AGBL1: variants seen among roughly 807,000 people sequenced by gnomAD.
AGBL1 encodes the protein cytosolic carboxypeptidase 4.
In AGBL1, 130 loss-of-function variants were observed where a neutral mutation model predicts 118.9. The observed-to-expected ratio is 1.09, with a 90% CI of 0.95 to 1.26. The LOEUF is 1.26. Among genes scored for constraint, AGBL1 ranks in the 50% most tolerant of loss-of-function variants. AGBL1 has a pLI of 0.00. For synonymous variants in AGBL1, 555 were observed against 478.9 expected (o/e 1.16, Z -2.08); for missense variants, 1,584 against 1,298.1 (o/e 1.22, Z -3.38).
At chr15:86,221,509 G>A (rs1177058538) in intron 5 of AGBL1, among the ~76,000 whole-genome samples, 1 of 152,194 alleles carries the variant, frequency 6.6e-6, no homozygotes, top group Non-Finnish European at 1.5e-5. Flanking sequence ...GCTTCGCTGT[G>A]GGAGCAGACA....
intron 24 of AGBL1, among the ~76,000 whole-genome samples, chr15:87,012,153 T>G (rs2081566412): frequency 1.3e-5 from 2 of 151,572 alleles, no homozygotes; most frequent in African/African-American, 4.8e-5. Context: ...CCCTTCATGT[T>G]AGTTTCTTCT....
intron 21 of AGBL1, among the ~76,000 whole-genome samples, chr15:86,654,067 G>T (rs562069547): frequency 6.6e-6 from 1 of 152,270 alleles, no homozygotes; most frequent in South Asian, 2.1e-4. Flanking sequence ...GTCTTTGGTA[G>T]AATGACTGCA....
At position 86,187,026 on chromosome 15, in the gene AGBL1, C is replaced by T. The variant is rs186896369; in HGVS notation, c.488+28000C>T. ...GACATTAGTCTATTATTTATACTAA[C>T]GTTATAGCAAACAAAGTTAAAGCAT... On this transcript the variant is annotated intron_variant, in intron 5 of 22. Transcript: ENST00000614907. Among the ~76,000 whole-genome samples, 7 of 152,276 alleles carry T rather than the reference C, an allele frequency of 4.6e-5. No individual in the cohort carries two copies. In the East Asian group the frequency reaches 9.7e-4, roughly 21 times the overall value.
intron 1 of AGBL1, among the ~76,000 whole-genome samples, chr15:86,128,705 A>G (rs1218018161): frequency 6.6e-6 from 1 of 152,096 alleles, no homozygotes; most frequent in Non-Finnish European, 1.5e-5. Flanking sequence ...CCCTTTCTTT[A>G]TCTCTTTTTC....
Position 86,271,613 on chromosome 15 carries a change from G to T in AGBL1, c.1988-6G>T. 3 of 1,602,358 alleles carry T rather than the reference G, an allele frequency of 1.9e-6. No individual in the cohort carries two copies. Among genetic ancestry groups the T allele is most frequent in the Non-Finnish European group, 2.6e-6 (3 of 1,169,468 alleles). On this transcript the variant is annotated splice_polypyrimidine_tract_variant and splice_region_variant and intron_variant, in intron 14 of 22. Transcript: ENST00000614907. ...CATGGATTAATTCCTTTCTGATTTT[G>T]TGTAGGGATGCAGCCCACCCTATAT... is the stretch of plus-strand genomic sequence containing the variant.
chr15:86,387,499 A>G (rs1268737915), intron 17 of AGBL1, among the ~76,000 whole-genome samples: 1 of 152,286 alleles, frequency 6.6e-6, no homozygotes, highest in East Asian at 1.9e-4. Flanking sequence ...AAGAGGTTGT[A>G]GTAACGCAGT....
chr15:86,696,188 C>T (rs1209621799), intron 22 of AGBL1, among the ~76,000 whole-genome samples: 1 of 151,902 alleles, frequency 6.6e-6, no homozygotes, highest in African/African-American at 2.4e-5. Flanking sequence ...TATTGAACTT[C>T]CCCACTATTA....
intron 7 of AGBL1, among the ~76,000 whole-genome samples, chr15:86,251,821 G>GAA (rs11392440): frequency 1.9e-4 from 28 of 146,338 alleles, no homozygotes; most frequent in South Asian, 1.7e-3. Context: ...ATGCAAGATT[G>GAA]AAAAAAAAAA....
intron 3 of AGBL1, among the ~76,000 whole-genome samples, chr15:86,144,635 G>A (rs1275973822): frequency 6.6e-6 from 1 of 152,066 alleles, no homozygotes; most frequent in Non-Finnish European, 1.5e-5. Context: ...ACACACAGAG[G>A]GGAACAACAC....
At chr15:86,141,872 T>G in intron 1 of AGBL1, 132 bp from the exon 2 acceptor site, 1 of 888,814 alleles carries the variant, frequency 1.1e-6, no homozygotes, top group Non-Finnish European at 1.7e-6. Flanking sequence ...TGAATCCCCT[T>G]GCCTGTCCTT....
chr15:86,335,802 T>A (rs2080358757), intron 17 of AGBL1, among the ~76,000 whole-genome samples: 1 of 152,154 alleles, frequency 6.6e-6, no homozygotes, highest in Non-Finnish European at 1.5e-5. Context: ...TTCAAGAGTG[T>A]TAAATAGGGG....
intron 17 of AGBL1, among the ~76,000 whole-genome samples, chr15:86,370,950 T>C (rs1439366563): frequency 6.6e-6 from 1 of 152,086 alleles, no homozygotes; most frequent in African/African-American, 2.4e-5. Flanking sequence ...GGCTCTTGGG[T>C]CTATGGGTCT....
intron 20 of AGBL1, among the ~76,000 whole-genome samples, chr15:86,552,791 CAGTT>C (rs1219531681): frequency 6.6e-6 from 1 of 152,086 alleles, no homozygotes; most frequent in East Asian, 1.9e-4. Context: ...AAGATGAAAT[CAGTT>C]AGGAGGCAAT....
chr15:86,603,903 C>T (rs1429580225), intron 21 of AGBL1, among the ~76,000 whole-genome samples: 1 of 152,008 alleles, frequency 6.6e-6, no homozygotes, highest in African/African-American at 2.4e-5. Context: ...ACTTTCTTTT[C>T]CAAGACGAAG....
intron 18 of AGBL1, among the ~76,000 whole-genome samples, chr15:86,477,892 G>C (rs942282635): frequency 2.6e-5 from 4 of 152,152 alleles, no homozygotes; most frequent in Admixed American, 6.5e-5. Context: ...CCATGATCAA[G>C]TGGGCTTCAT....
chr15:86,250,574 G>A lies in AGBL1; in HGVS notation c.735+2695G>A, dbSNP rs927114315. Among the ~76,000 whole-genome samples, 528 of 105,496 alleles carry A rather than the reference G, an allele frequency of 5.0e-3. 17 individuals carry two copies. Among genetic ancestry groups the A allele is most frequent in the Non-Finnish European group, 1.2e-3 (62 of 52,630 alleles). 69.2% of individuals were successfully genotyped at this position (105,496 alleles called of 152,430 possible). On this transcript the variant is annotated intron_variant, in intron 7 of 22. Coordinates refer to ENST00000614907, the MANE Select transcript of AGBL1 (RefSeq NM_001386094.1). Reference sequence around the variant, plus strand: ...AAAAAAAAAAAAAAAAAAAAAAAAAGGTGTGCTCTTCCAGAGAAAATGTTA... The same window carrying A: ...AAAAAAAAAAAAAAAAAAAAAAAAAAGTGTGCTCTTCCAGAGAAAATGTTA...
intron 6 of AGBL1, among the ~76,000 whole-genome samples, chr15:86,244,620 A>G (rs1451444861): frequency 6.6e-6 from 1 of 152,186 alleles, no homozygotes; most frequent in Non-Finnish European, 1.5e-5. Flanking sequence ...GGGATTTGAT[A>G]AGGGATTTTT....
chr15:86,730,789 A>C lies in AGBL1; in HGVS notation c.3158+56353A>C, dbSNP rs116087519. Among the ~76,000 whole-genome samples the C allele has an allele frequency of 6.9e-3, 1,057 of 152,298 alleles. 14 individuals are homozygous for C. The highest frequency in any genetic ancestry group is 0.025 in the African/African-American group (1,021 of 41,568). ...GTGTATAATTACAAATTCCATGCAAAAGCAAAAACTTCAGATTTGTACCTA... is the reference window on the plus strand; with the variant it reads ...GTGTATAATTACAAATTCCATGCAACAGCAAAAACTTCAGATTTGTACCTA... On this transcript the variant is annotated intron_variant, in intron 22 of 22. Coordinates refer to ENST00000614907, the MANE Select transcript of AGBL1 (RefSeq NM_001386094.1).
rs971788499 is a variant in AGBL1 at position 86,436,103 on chromosome 15, T to C, written c.2555+38557T>C. The stretch of plus-strand genomic sequence containing the variant: ...CCCTTTCCTCTCTTTTTTTTTTTTT[T>C]TTTTTTGTCCCATTTCTTAGTGAAA... On this transcript the variant is annotated intron_variant, in intron 18 of 22. Transcript: ENST00000614907. 8.7e-5 allele frequency among the ~76,000 whole-genome samples: 13 copies of C among 150,168 alleles called. No individual in the cohort carries two copies. The South Asian group carries it at 1.3e-3, about 15-fold the overall frequency.
Sources: gnomAD v4.1 joint callset for allele counts (sites outside exome capture counted in the v4.1 genomes callset) on GRCh38, gnomAD v4.1.1 for gene constraint, MANE v1.5 for transcripts, NCBI Gene and HGNC (gene_info 2026-07-23, HGNC 2026-07-21) for gene names.